Variants in AGBL1 observed in about 807,000 individuals in gnomAD.
The protein encoded by AGBL1 is AGBL carboxypeptidase 1.
Under a neutral mutation model 118.9 loss-of-function variants are expected in AGBL1, and 130 were observed. That is an observed-to-expected ratio of 1.09 (90% CI 0.95 to 1.26). The LOEUF (loss-of-function observed/expected upper bound fraction) is 1.26. Among genes scored for constraint, AGBL1 ranks in the 50% most tolerant of loss-of-function variants. AGBL1 has a pLI of 0.00. For synonymous variants in AGBL1, 555 were observed against 478.9 expected (o/e 1.16, Z -2.08); for missense variants, 1,584 against 1,298.1 (o/e 1.22, Z -3.38).
At chr15:86,802,386 C>G (rs2078662549) in intron 22 of AGBL1, among the ~76,000 whole-genome samples, 1 of 151,978 alleles carries the variant, frequency 6.6e-6, no homozygotes, top group Non-Finnish European at 1.5e-5. Context: ...GAGCCTGGCA[C>G]TTGCAAGGGA....
At chr15:86,804,458 T>C (rs1262779728) in intron 22 of AGBL1, among the ~76,000 whole-genome samples, 1 of 152,082 alleles carries the variant, frequency 6.6e-6, no homozygotes, top group African/African-American at 2.4e-5. Context: ...TTCAAGCCAA[T>C]GGTGGAGGCA....
chr15:86,790,865 A>C (rs976974592), intron 22 of AGBL1, among the ~76,000 whole-genome samples: 9 of 152,180 alleles, frequency 5.9e-5, no homozygotes, highest in Non-Finnish European at 8.8e-5. Flanking sequence ...ACCACCAAGA[A>C]GCAGTTGCAT....
chr15:86,442,835 A>C (rs2082080520), intron 18 of AGBL1, among the ~76,000 whole-genome samples: 1 of 152,194 alleles, frequency 6.6e-6, no homozygotes, highest in South Asian at 2.1e-4. Flanking sequence ...AAAGGTGAAG[A>C]GGAAGCAGAG....
At chr15:86,457,897 C>T (rs1011179904) in intron 18 of AGBL1, among the ~76,000 whole-genome samples, 2 of 152,128 alleles carry the variant, frequency 1.3e-5, no homozygotes, top group Non-Finnish European at 2.9e-5. Context: ...TGAGTGCCCC[C>T]GATTCTTCCA....
At chr15:86,163,240 C>T (rs1893041624) in intron 5 of AGBL1, among the ~76,000 whole-genome samples, 1 of 152,270 alleles carries the variant, frequency 6.6e-6, no homozygotes, top group South Asian at 2.1e-4. Context: ...AGTTTGCGAC[C>T]AGCTTGGGCA....
chr15:86,682,346 A>C (rs2085975817), intron 22 of AGBL1, among the ~76,000 whole-genome samples: 1 of 152,098 alleles, frequency 6.6e-6, no homozygotes, highest in Non-Finnish European at 1.5e-5. Flanking sequence ...ACAAACAAAA[A>C]CCTTGTTTCA....
At chr15:86,113,227 C>A (rs1264461015) in intron 1 of AGBL1, among the ~76,000 whole-genome samples, 2 of 65,036 alleles carry the variant, frequency 3.1e-5, no homozygotes, top group African/African-American at 1.7e-4. Context: ...CTTTTCTTTT[C>A]TTTTCTTTTC....
intron 18 of AGBL1, among the ~76,000 whole-genome samples, chr15:86,445,819 T>C (rs1258226156): frequency 1.3e-5 from 2 of 152,344 alleles, no homozygotes; most frequent in Non-Finnish European, 2.9e-5. Context: ...GACTCAGGAA[T>C]TACAGCACGT....
chr15:86,137,078 C>T (rs2076899236), intron 1 of AGBL1, among the ~76,000 whole-genome samples: 1 of 152,126 alleles, frequency 6.6e-6, no homozygotes. Flanking sequence ...GAGATAACAG[C>T]TTTGTGTTAT....
At chr15:86,610,504 C>T (rs2084641064) in intron 21 of AGBL1, among the ~76,000 whole-genome samples, 1 of 152,136 alleles carries the variant, frequency 6.6e-6, no homozygotes, top group African/African-American at 2.4e-5. Flanking sequence ...CTAAAAAAGT[C>T]AGCCTGGGGC....
At chr15:86,740,746 T>G (rs980688813) in intron 22 of AGBL1, among the ~76,000 whole-genome samples, 2 of 152,158 alleles carry the variant, frequency 1.3e-5, no homozygotes, top group Non-Finnish European at 1.5e-5. Context: ...TTCAGGATCT[T>G]TTTACTGGCA....
intron 17 of AGBL1, among the ~76,000 whole-genome samples, chr15:86,342,663 G>T (rs898440953): frequency 1.3e-5 from 2 of 152,096 alleles, no homozygotes; most frequent in South Asian, 2.1e-4. Context: ...TTAGATCTCC[G>T]ATCTGCCCCA....
chr15:86,714,339 G>A (rs1021368275), intron 22 of AGBL1, among the ~76,000 whole-genome samples: 1 of 152,086 alleles, frequency 6.6e-6, no homozygotes, highest in African/African-American at 2.4e-5. Context: ...GAGCTGAGAG[G>A]GAAGGGCAGA....
intron 22 of AGBL1, among the ~76,000 whole-genome samples, chr15:86,708,965 A>G (rs928091849): frequency 3.9e-5 from 6 of 152,100 alleles, no homozygotes; most frequent in African/African-American, 1.2e-4. Flanking sequence ...GACAAGCTCC[A>G]AATCCTTAAC....
intron 21 of AGBL1, among the ~76,000 whole-genome samples, chr15:86,609,755 A>G (rs908418496): frequency 3.9e-5 from 6 of 152,194 alleles, no homozygotes; most frequent in Non-Finnish European, 8.8e-5. Context: ...TTAGGGGGGA[A>G]AAAGATTTGT....
chr15:86,892,244 G>A (rs1283557522), intron 22 of AGBL1, among the ~76,000 whole-genome samples: 1 of 151,982 alleles, frequency 6.6e-6, no homozygotes, highest in African/African-American at 2.4e-5. Flanking sequence ...TAAAGAGTTT[G>A]GACTGCATCT....
intron 17 of AGBL1, among the ~76,000 whole-genome samples, chr15:86,345,494 CTAAT>C (rs1303832892): frequency 6.6e-6 from 1 of 152,140 alleles, no homozygotes; most frequent in Non-Finnish European, 1.5e-5. Flanking sequence ...AATTACTTAA[CTAAT>C]AGTAAATGTT....
At chr15:86,828,130 C>T (rs530150441) in intron 22 of AGBL1, among the ~76,000 whole-genome samples, 218 of 150,992 alleles carry the variant, frequency 1.4e-3, no homozygotes, top group African/African-American at 3.9e-3. Flanking sequence ...TTTGTAGAGA[C>T]GGGGGTCTCA....
chr15:86,093,575 G>T (rs1896168694), intron 1 of AGBL1, among the ~76,000 whole-genome samples: 1 of 152,130 alleles, frequency 6.6e-6, no homozygotes, highest in South Asian at 2.1e-4. Flanking sequence ...TGATAAAGTA[G>T]ATTTGAAGAG....
Sources: gnomAD v4.1 joint callset for allele counts (sites outside exome capture counted in the v4.1 genomes callset) on GRCh38, gnomAD v4.1.1 for gene constraint, MANE v1.5 for transcripts, NCBI Gene and HGNC (gene_info 2026-07-23, HGNC 2026-07-21) for gene names.